Variants in PCDHGB1 observed in about 807,000 individuals in gnomAD.
The protein encoded by PCDHGB1 is protocadherin gamma subfamily B, 1.
PCDHGB1 carries 34 observed loss-of-function variants against 56.6 expected under a neutral mutation model. The ratio of observed to expected loss-of-function variants is 0.60; its 90% CI spans 0.46 to 0.80. The LOEUF (loss-of-function observed/expected upper bound fraction) is 0.80. Ranked by LOEUF, PCDHGB1 falls within the 30% of genes least tolerant of loss-of-function variation. The pLI is 0.00. For synonymous variants in PCDHGB1, 561 were observed against 505.9 expected, an observed-to-expected ratio of 1.11 and a Z score of -1.46; for missense variants, 1,278 against 1,204.6, an observed-to-expected ratio of 1.06 and a Z score of -0.90.
rs767147157 is a variant in PCDHGB1, at chr5:141,351,561, T to A, written c.1301T>A (p.Ile434Asn). Residue 434 changes from isoleucine to asparagine, a missense_variant, in exon 1 of 4, where the codon ATC (isoleucine) becomes AAC (asparagine). Transcript: ENST00000523390. The stretch of plus-strand genomic sequence containing the variant: ...CCAGCCCTTTCCTCCAGGACAAGCA[T>A]CACCCTGCACATCTCCGACATCAAC... ...GKPALSSRTS[I>N]TLHISDINDN... is the part of the protein sequence containing the mutation. The A allele has an allele frequency of 1.2e-6, 2 of 1,614,004 alleles. No homozygotes were observed. Among genetic ancestry groups the A allele is most frequent in the Non-Finnish European group, 8.5e-7 (1 of 1,179,896 alleles).
intron 1 of PCDHGB1, chr5:141,415,994 C>G: frequency 6.6e-6 from 2 of 303,006 alleles, no homozygotes; most frequent in East Asian, 6.9e-5. Context: ...GTTCTGAAGG[C>G]AGGTCTGGTA....
At chr5:141,418,769 C>A (rs1488222030) in intron 1 of PCDHGB1, 2 of 1,613,828 alleles carry the variant, frequency 1.2e-6, no homozygotes, top group East Asian at 4.5e-5. Flanking sequence ...CATTCTAACT[C>A]AGCAGCCTTT....
rs562410567 is a variant in PCDHGB1 at position 141,413,096 on chromosome 5, G to A, written c.2409+60427G>A. On this transcript the variant is annotated intron_variant, in intron 1 of 3. Transcript: ENST00000523390. ...GCCCAGGCTACAGAGACACCCTGAA[G>A]CCACAGAAAGACAAAGGAACCGGTT... 25 of 1,445,574 alleles carry A rather than the reference G, an allele frequency of 1.7e-5. No homozygotes were observed. The African/African-American group carries it at 3.3e-4, about 19-fold the overall frequency. The allele number at this position is 1,445,574 out of a possible 1,614,324, so 89.5% of individuals were successfully genotyped here.
chr5:141,393,620 G>T (rs1335715353), intron 1 of PCDHGB1: 1 of 1,613,908 alleles, frequency 6.2e-7, no homozygotes, highest in Non-Finnish European at 8.5e-7. Flanking sequence ...CCAGCGACCC[G>T]GATGAGGGAA....
intron 1 of PCDHGB1, chr5:141,441,746 C>A: frequency 5.4e-6 from 2 of 371,314 alleles, no homozygotes; most frequent in East Asian, 9.8e-5. Flanking sequence ...TCGCGCTCGG[C>A]GTCAACGTGA....
intron 1 of PCDHGB1, among the ~76,000 whole-genome samples, chr5:141,436,199 A>G (rs576607542): frequency 7.2e-5 from 11 of 152,282 alleles, no homozygotes; most frequent in East Asian, 5.8e-4. Context: ...AAAGAAAGAC[A>G]TAATAGGAAA....
At chr5:141,361,675 G>C (rs1247091931) in intron 1 of PCDHGB1, 2 of 1,613,636 alleles carry the variant, frequency 1.2e-6, no homozygotes, top group Middle Eastern at 1.6e-4. Flanking sequence ...GAGCGGGGTG[G>C]TGTTCGCGCA....
rs758405089 is a variant in PCDHGB1 at position 141,383,617 on chromosome 5, C to T, written c.2409+30948C>T. 5.1e-5 allele frequency: 82 copies of T among 1,613,734 alleles called. No homozygotes were observed. The Admixed American group carries it at 9.0e-4, about 18-fold the overall frequency. On this transcript the variant is annotated intron_variant, in intron 1 of 3. Coordinates refer to ENST00000523390, the MANE Select transcript of PCDHGB1 (RefSeq NM_018922.3). ...AGTGGTGGATGTGAATGACCACACG[C>T]CTGTCTTCTCTCTGCCTCAGTACCA...
chr5:141,363,477 T>G (rs1011595673), intron 1 of PCDHGB1, among the ~76,000 whole-genome samples: 9 of 152,238 alleles, frequency 5.9e-5, no homozygotes, highest in Non-Finnish European at 1.0e-4. Context: ...CATGCTTTCC[T>G]GCATGGATGA....
rs1409333356 is a variant in PCDHGB1 at position 141,418,996 on chromosome 5, T to C, written c.2409+66327T>C. On this transcript the variant is annotated intron_variant, in intron 1 of 3. Coordinates refer to ENST00000523390, the MANE Select transcript of PCDHGB1 (RefSeq NM_018922.3). ...CACGGGACCAAGACTCAGGGGAAAATGGGGAAGTCAGGTGTAGCTTAAGTA... is the reference window on the plus strand; with the variant it reads ...CACGGGACCAAGACTCAGGGGAAAACGGGGAAGTCAGGTGTAGCTTAAGTA... 3.3e-5 allele frequency: 54 copies of C among 1,613,756 alleles called. 1 individual carries two copies. The East Asian group carries it at 1.0e-3, about 30-fold the overall frequency.
intron 1 of PCDHGB1, chr5:141,374,736 G>A (rs1770792620): frequency 1.9e-6 from 3 of 1,611,042 alleles, no homozygotes; most frequent in Non-Finnish European, 1.7e-6. Context: ...ATGGATGGCG[G>A]CGACCCTGTC....
Position 141,487,691 on chromosome 5 carries a change from A to T in PCDHGB1, c.2410-7116A>T. On this transcript the variant is annotated intron_variant, in intron 1 of 3. Transcript: ENST00000523390. The surrounding 1 kb of genome is among the most constrained non-coding windows in gnomAD (Gnocchi z 5.0). ...CATATGGCTAGGCCATGTCCTAGAG[A>T]GTACTGGCCTCTCAGTAAGTGCCCA... 6.2e-7 allele frequency: 1 copy of T among 1,604,122 alleles called. No individual in the cohort carries two copies. The highest frequency in any genetic ancestry group is 8.5e-7 in the Non-Finnish European group (1 of 1,174,384).
chr5:141,374,244 T>C, intron 1 of PCDHGB1: 3 of 1,613,992 alleles, frequency 1.9e-6, no homozygotes, highest in Non-Finnish European at 2.5e-6. Context: ...GATCTGGGAC[T>C]GGAGCCCCAG....
intron 1 of PCDHGB1, among the ~76,000 whole-genome samples, chr5:141,453,061 T>G (rs1351911724): frequency 6.6e-6 from 1 of 152,102 alleles, no homozygotes; most frequent in Non-Finnish European, 1.5e-5. Context: ...AGTTTTAGAG[T>G]TTTGCCACAC....
chr5:141,351,819 A>G lies in PCDHGB1; in HGVS notation c.1559A>G (p.Gln520Arg). 1 of 1,613,244 alleles carries G rather than the reference A, an allele frequency of 6.2e-7. No homozygotes were observed. The highest frequency in any genetic ancestry group is 8.5e-7 in the Non-Finnish European group (1 of 1,179,836). ...VFAQRAFDHE[Q>R]LRAFELTLQA... Reference sequence around the variant, plus strand: ...GCGCAGCGCGCCTTCGACCACGAGCAGCTGCGCGCCTTCGAGCTCACACTG... The same window carrying G: ...GCGCAGCGCGCCTTCGACCACGAGCGGCTGCGCGCCTTCGAGCTCACACTG... The change falls in exon 1 of 4, where the codon CAG becomes CGG. Residue 520 changes from glutamine to arginine, a missense_variant. Gln to Arg is a conservative substitution (Grantham distance 43). Transcript: ENST00000523390.
intron 1 of PCDHGB1, chr5:141,393,714 A>G: frequency 6.2e-7 from 1 of 1,613,878 alleles, no homozygotes; most frequent in South Asian, 1.1e-5. Flanking sequence ...TACTGGGGAA[A>G]TATCAATAGC....
intron 1 of PCDHGB1, chr5:141,383,224 C>T: frequency 6.2e-7 from 1 of 1,613,968 alleles, no homozygotes; most frequent in South Asian, 1.1e-5. Flanking sequence ...CTTTAACATC[C>T]TGATGGAAGA....
Position 141,377,593 on chromosome 5 carries a change from C to T in PCDHGB1, c.2409+24924C>T, listed in dbSNP as rs923684056. 2.8e-4 allele frequency: 40 copies of T among 144,542 alleles called. 1 individual carries two copies. The highest frequency in any genetic ancestry group is 4.7e-4 in the African/African-American group (18 of 38,630). 9.0% of individuals were successfully genotyped at this position (144,542 alleles called of 1,614,324 possible). On this transcript the variant is annotated intron_variant, in intron 1 of 3. Transcript: ENST00000523390. ...CCTGGGAGACAGAATGAGACTTTTT[C>T]TCTCTCTCTCTCAAAAAAAAAAAAA...
At chr5:141,357,570 T>C in intron 1 of PCDHGB1, 1 of 1,614,214 alleles carries the variant, frequency 6.2e-7, no homozygotes, top group Non-Finnish European at 8.5e-7. Flanking sequence ...AAAGCGAGCC[T>C]CTTCTGATAA....
Sources: gnomAD v4.1 joint callset for allele counts (sites outside exome capture counted in the v4.1 genomes callset) on GRCh38, gnomAD v4.1.1 for gene constraint, Gnocchi (gnomAD v3.1) non-coding constraint, MANE v1.5 for transcripts, NCBI Gene and HGNC (gene_info 2026-07-23, HGNC 2026-07-21) for gene names.